The following AGBL1 variants were observed in gnomAD, a reference collection of about 807,000 sequenced individuals.
AGBL1 encodes cytosolic carboxypeptidase 4.
AGBL1 carries 130 observed loss-of-function variants against 118.9 expected under a neutral mutation model. The ratio of observed to expected loss-of-function variants is 1.09; its 90% confidence interval spans 0.95 to 1.26. The LOEUF (loss-of-function observed/expected upper bound fraction) is 1.26. Among genes scored for constraint, AGBL1 ranks in the 50% most tolerant of loss-of-function variants. The pLI is 0.00. For synonymous variants in AGBL1, 555 were observed against 478.9 expected (o/e 1.16, Z -2.08); for missense variants, 1,584 against 1,298.1 (o/e 1.22, Z -3.38).
At chr15:86,682,226 C>T (rs1007124413) in intron 22 of AGBL1, among the ~76,000 whole-genome samples, 8 of 152,050 alleles carry the variant, frequency 5.3e-5, no homozygotes, top group African/African-American at 1.9e-4. Context: ...ATTATGAGTA[C>T]CATATCCTGC....
intron 22 of AGBL1, among the ~76,000 whole-genome samples, chr15:86,746,501 C>T (rs1462812588): frequency 6.6e-6 from 1 of 152,012 alleles, no homozygotes; most frequent in Non-Finnish European, 1.5e-5. Context: ...CTAGACTTAT[C>T]ACCCCATATT....
chr15:86,823,580 T>C (rs971168490), intron 22 of AGBL1, among the ~76,000 whole-genome samples: 2 of 152,110 alleles, frequency 1.3e-5, no homozygotes, highest in Non-Finnish European at 2.9e-5. Context: ...CTACATGCAA[T>C]AATAAACTAA....
At chr15:86,959,456 A>C (rs1297774785) in intron 23 of AGBL1, among the ~76,000 whole-genome samples, 1 of 152,110 alleles carries the variant, frequency 6.6e-6, no homozygotes. Flanking sequence ...TCACATTTCT[A>C]ATATGGACTG....
intron 21 of AGBL1, among the ~76,000 whole-genome samples, chr15:86,651,334 A>C (rs1322471463): frequency 1.3e-5 from 2 of 152,198 alleles, no homozygotes; most frequent in Non-Finnish European, 2.9e-5. Flanking sequence ...ATAATTTTCT[A>C]GTACTTCTAA....
chr15:86,803,796 G>A (rs1289681440), intron 22 of AGBL1, among the ~76,000 whole-genome samples: 1 of 152,094 alleles, frequency 6.6e-6, no homozygotes, highest in African/African-American at 2.4e-5. Flanking sequence ...ACAATGTCTG[G>A]GAACATTTTG....
intron 18 of AGBL1, among the ~76,000 whole-genome samples, chr15:86,422,159 G>A (rs972084210): frequency 1.3e-4 from 20 of 152,082 alleles, no homozygotes; most frequent in African/African-American, 4.8e-4. Context: ...TCTCAGCACT[G>A]CATAGCACTT....
At chr15:86,741,885 G>C (rs897169009) in intron 22 of AGBL1, among the ~76,000 whole-genome samples, 1 of 151,846 alleles carries the variant, frequency 6.6e-6, no homozygotes, top group Non-Finnish European at 1.5e-5. Context: ...GATAGTGTCT[G>C]GTATATGGTA....
intron 17 of AGBL1, among the ~76,000 whole-genome samples, chr15:86,326,957 C>A (rs2080193930): frequency 6.7e-6 from 1 of 148,512 alleles, no homozygotes; most frequent in African/African-American, 2.5e-5. Flanking sequence ...TTGCACAGAG[C>A]ATTATGAGGT....
chr15:86,407,110 A>G (rs918878455), intron 18 of AGBL1, among the ~76,000 whole-genome samples: 4 of 152,068 alleles, frequency 2.6e-5, no homozygotes, highest in East Asian at 1.9e-4. Flanking sequence ...CACATTATCA[A>G]CCTTTTCATT....
intron 22 of AGBL1, among the ~76,000 whole-genome samples, chr15:86,768,902 A>G (rs1275226352): frequency 2.6e-5 from 4 of 152,002 alleles, no homozygotes; most frequent in Admixed American, 2.0e-4. Flanking sequence ...TGAATGTTTG[A>G]AGAGATTAGA....
intron 23 of AGBL1, among the ~76,000 whole-genome samples, chr15:86,974,636 T>G (rs894373727): frequency 9.0e-5 from 13 of 144,762 alleles, no homozygotes; most frequent in Non-Finnish European, 1.6e-4. Flanking sequence ...TATATTTAAC[T>G]TTTCTGCAAA....
intron 1 of AGBL1, among the ~76,000 whole-genome samples, chr15:86,087,598 G>C (rs1376813065): frequency 6.6e-6 from 1 of 152,162 alleles, no homozygotes; most frequent in East Asian, 1.9e-4. Context: ...CCAAAGTGCT[G>C]GGATTACAGG....
chr15:86,306,839 CT>C (rs575344573), intron 17 of AGBL1, among the ~76,000 whole-genome samples: 10 of 152,212 alleles, frequency 6.6e-5, no homozygotes, highest in Admixed American at 5.2e-4. Context: ...TATTGCCTGT[CT>C]TTTGGATAAA....
intron 18 of AGBL1, among the ~76,000 whole-genome samples, chr15:86,466,550 G>A (rs1164903114): frequency 6.6e-6 from 1 of 152,200 alleles, no homozygotes; most frequent in East Asian, 1.9e-4. Context: ...AAGGAGTTGT[G>A]ATCCATTGGA....
intron 17 of AGBL1, among the ~76,000 whole-genome samples, chr15:86,314,942 G>A (rs78882982): frequency 0.011 from 1,671 of 152,244 alleles, 30 homozygotes; most frequent in African/African-American, 0.036. Flanking sequence ...TTTGGAAAGT[G>A]GCTTAAACTG....
At chr15:86,578,169 C>G (rs1454731526) in intron 21 of AGBL1, among the ~76,000 whole-genome samples, 1 of 152,180 alleles carries the variant, frequency 6.6e-6, no homozygotes. Context: ...AAGTGCAGAG[C>G]TGCCCAAGAC....
At chr15:86,748,381 G>C (rs1050969129) in intron 22 of AGBL1, among the ~76,000 whole-genome samples, 1 of 151,722 alleles carries the variant, frequency 6.6e-6, no homozygotes, top group Non-Finnish European at 1.5e-5. Flanking sequence ...GGATATATTA[G>C]CCCTTTGTCA....
chr15:86,097,578 G>A (rs1896461374), intron 1 of AGBL1, among the ~76,000 whole-genome samples: 1 of 148,036 alleles, frequency 6.8e-6, no homozygotes, highest in African/African-American at 2.5e-5. Flanking sequence ...GCGAGAACAT[G>A]CAATATTTGT....
chr15:86,285,976 T>G (rs1479635186), intron 16 of AGBL1, among the ~76,000 whole-genome samples: 1 of 152,164 alleles, frequency 6.6e-6, no homozygotes, highest in Non-Finnish European at 1.5e-5. Flanking sequence ...ATATCTGATT[T>G]ATAAAATCTA....
Sources: allele counts gnomAD v4.1 joint callset (sites outside exome capture counted in the v4.1 genomes callset), GRCh38; gene constraint gnomAD v4.1.1; transcripts MANE v1.5; gene names NCBI Gene and HGNC (gene_info 2026-07-23, HGNC 2026-07-21).